Variants in ATG3 observed in about 807,000 individuals in gnomAD.
The protein encoded by ATG3 is ubiquitin-like-conjugating enzyme ATG3.
Under a neutral mutation model 50.7 loss-of-function variants are expected in ATG3, and 25 were observed. That is an observed-to-expected ratio of 0.49 (90% CI 0.36 to 0.69). The LOEUF is 0.69. ATG3 is among the 30% of genes least tolerant of loss of function. The pLI is 0.00. For missense variants in ATG3, 281 were observed against 376.0 expected, an observed-to-expected ratio of 0.75 and a Z score of 2.09; for synonymous variants, 119 against 125.5, an observed-to-expected ratio of 0.95 and a Z score of 0.34.
intron 2 of ATG3, among the ~76,000 whole-genome samples, chr3:112,556,949 C>G (rs369776460): frequency 6.6e-6 from 1 of 151,876 alleles, no homozygotes; most frequent in African/African-American, 2.4e-5. Flanking sequence ...TATCTGCTGA[C>G]CTTCCCTCCA....
intron 7 of ATG3, among the ~76,000 whole-genome samples, chr3:112,540,650 CG>C (rs1379234467): frequency 6.7e-6 from 1 of 149,090 alleles, no homozygotes. Context: ...AAGAAACCCA[CG>C]GAACAGTAAC....
intron 6 of ATG3, 105 bp downstream of exon 6, chr3:112,543,952 G>C: frequency 1.3e-6 from 1 of 787,680 alleles, no homozygotes; most frequent in Non-Finnish European, 1.9e-6. Flanking sequence ...AAAAAACCAG[G>C]GTTTTTATAA....
At chr3:112,539,282 C>A (rs1386730275) in intron 7 of ATG3, among the ~76,000 whole-genome samples, 5 of 152,132 alleles carry the variant, frequency 3.3e-5, no homozygotes, top group Non-Finnish European at 7.4e-5. Flanking sequence ...TGAGTAATGT[C>A]AAGACCTTAT....
intron 7 of ATG3, among the ~76,000 whole-genome samples, chr3:112,538,770 C>T (rs1005952760): frequency 1.3e-5 from 2 of 152,186 alleles, no homozygotes; most frequent in Non-Finnish European, 2.9e-5. Context: ...TTCATCCAGA[C>T]TCAATGACTT....
chr3:112,549,684 G>A (rs1933474765), intron 4 of ATG3, among the ~76,000 whole-genome samples: 1 of 150,766 alleles, frequency 6.6e-6, no homozygotes, highest in Admixed American at 6.7e-5. Flanking sequence ...TGGCAGGCCT[G>A]TAATCCCAAC....
intron 9 of ATG3, among the ~76,000 whole-genome samples, chr3:112,537,106 G>A (rs1269397910): frequency 1.3e-5 from 2 of 151,930 alleles, no homozygotes; most frequent in Admixed American, 6.6e-5. Context: ...TATCAAGGGA[G>A]GGACAGGAAG....
In ATG3 at chr3:112,542,354, ACAGTTATTAAAATGC is replaced by A. The variant is rs1372471364; in HGVS notation, c.394-485_394-471del. 2.0e-5 allele frequency among the ~76,000 whole-genome samples: 3 copies of A among 152,156 alleles called. No individual in the cohort carries two copies. In the East Asian group the frequency reaches 5.8e-4, roughly 29 times the overall value. On this transcript the variant is annotated intron_variant, in intron 6 of 11. Transcript: ENST00000283290. Reference sequence around the variant, plus strand: ...TGAATTAGGCAAGTTATCAGACTTTACAGTTATTAAAATGCACAAGATATCAGTTCAATTTCTTAA... The same window carrying A: ...TGAATTAGGCAAGTTATCAGACTTTAACAAGATATCAGTTCAATTTCTTAA...
At chr3:112,552,725 A>G (rs924702173) in intron 3 of ATG3, among the ~76,000 whole-genome samples, 2 of 149,196 alleles carry the variant, frequency 1.3e-5, no homozygotes, top group Non-Finnish European at 3.0e-5. Context: ...TCTCCGGCTC[A>G]CTGCAAGCTC....
chr3:112,561,846 C>T lies in ATG3; in HGVS notation c.-318G>A. On this transcript the variant is annotated 5_prime_UTR_variant, in exon 1 of 12. Transcript: ENST00000283290. ...AGGTGAGAAGCGGACGCACACGCAC[C>T]CCTCGCCCTCTGCGAGCTGTCTGTC... 1 of 364,704 alleles carries T rather than the reference C, an allele frequency of 2.7e-6. No individual in the cohort carries two copies. The highest frequency in any genetic ancestry group is 5.0e-6 in the Non-Finnish European group (1 of 200,582). The allele number at this position is 364,704 out of a possible 1,614,324, so 22.6% of individuals were successfully genotyped here.
At chr3:112,554,238 C>T (rs1407558774) in intron 2 of ATG3, among the ~76,000 whole-genome samples, 1 of 152,206 alleles carries the variant, frequency 6.6e-6, no homozygotes, top group African/African-American at 2.4e-5. Context: ...ATCATATACC[C>T]TGTGACCTGC....
At chr3:112,560,022 C>T (rs1372190859) in intron 1 of ATG3, among the ~76,000 whole-genome samples, 2 of 152,198 alleles carry the variant, frequency 1.3e-5, no homozygotes, top group African/African-American at 2.4e-5. Context: ...TTCATTCTTT[C>T]CTTTTTACTA....
intron 5 of ATG3, 45 bp downstream of exon 5, chr3:112,548,488 G>T: frequency 2.8e-6 from 4 of 1,449,640 alleles, no homozygotes; most frequent in Non-Finnish European, 3.9e-6. Context: ...GATTGTGAAA[G>T]AGTTTAATTT....
At chr3:112,538,064 A>C in intron 8 of ATG3, 82 bp downstream of exon 8, 8 of 1,272,670 alleles carry the variant, frequency 6.3e-6, no homozygotes, top group South Asian at 5.5e-5. Context: ...ATGTCTTTGA[A>C]AGATCAATAT....
chr3:112,553,966 C>T (rs1205254387), intron 2 of ATG3, among the ~76,000 whole-genome samples: 1 of 152,192 alleles, frequency 6.6e-6, no homozygotes, highest in Non-Finnish European at 1.5e-5. Context: ...AAATTGAATT[C>T]TCTCTAAAAA....
Position 112,533,177 on chromosome 3 carries a change from AAAATT to A in ATG3, c.864-402_864-398del, listed in dbSNP as rs1202132242. ...ATGAAGTACTATAGCAAAAGAGAAA[AAAATT>A]AAATAAAAATCCTGTATAGTAGACT... On this transcript the variant is annotated intron_variant, in intron 11 of 11. Transcript: ENST00000283290. 3.0e-6 allele frequency: 3 copies of A among 986,060 alleles called. No homozygotes were observed. In the African/African-American group the frequency reaches 5.2e-5, roughly 17 times the overall value. 61.1% of individuals were successfully genotyped at this position (986,060 alleles called of 1,614,324 possible).
intron 7 of ATG3, among the ~76,000 whole-genome samples, chr3:112,540,207 CT>C (rs1317443084): frequency 6.6e-6 from 1 of 152,158 alleles, no homozygotes; most frequent in African/African-American, 2.4e-5. Context: ...AAGAATCTCA[CT>C]AAAATTTAGG....
intron 3 of ATG3, among the ~76,000 whole-genome samples, chr3:112,550,707 G>A (rs1272595003): frequency 2.0e-5 from 3 of 152,156 alleles, no homozygotes; most frequent in Non-Finnish European, 4.4e-5. Flanking sequence ...AACACTGTAG[G>A]TGGCTGGCAA....
chr3:112,551,609 A>T (rs1196923158), intron 3 of ATG3, among the ~76,000 whole-genome samples: 1 of 152,220 alleles, frequency 6.6e-6, no homozygotes, highest in Non-Finnish European at 1.5e-5. Flanking sequence ...CAATGCTATA[A>T]ATCAAATACC....
intron 2 of ATG3, among the ~76,000 whole-genome samples, chr3:112,556,073 CCT>C (rs937625285): frequency 2.4e-4 from 34 of 142,556 alleles, no homozygotes; most frequent in African/African-American, 1.0e-3. Flanking sequence ...TCAAATTACA[CCT>C]CTGTTTGGCA....
Sources: allele counts gnomAD v4.1 joint callset (sites outside exome capture counted in the v4.1 genomes callset), GRCh38; gene constraint gnomAD v4.1.1; transcripts MANE v1.5; gene names NCBI Gene and HGNC (gene_info 2026-07-23, HGNC 2026-07-21).